Variants in CHODL observed in about 807,000 individuals in gnomAD.
The protein encoded by CHODL is chondrolectin.
CHODL carries 29 observed loss-of-function variants against 34.5 expected under a neutral mutation model. The ratio of observed to expected loss-of-function variants is 0.84; its 90% CI spans 0.63 to 1.15. The LOEUF is 1.15. Among genes scored for constraint, CHODL ranks in the 50% most tolerant of loss-of-function variants. The probability of loss-of-function intolerance (pLI) is 0.00; values close to 1 mark genes in which losing one functional copy is unlikely to be tolerated. For missense variants in CHODL, 332 were observed against 332.5 expected (o/e 1.00, Z 0.01); for synonymous variants, 125 against 116.1 (o/e 1.08, Z -0.49).
intron 1 of CHODL, among the ~76,000 whole-genome samples, chr21:18,246,661 C>T (rs1449185048): frequency 6.6e-6 from 1 of 152,116 alleles, no homozygotes; most frequent in Non-Finnish European, 1.5e-5. Flanking sequence ...ATTATTCATG[C>T]AACTGAATGA....
chr21:18,158,769 C>T (rs1360182130), intron 2 of CHODL, among the ~76,000 whole-genome samples: 3 of 142,378 alleles, frequency 2.1e-5, no homozygotes, highest in Non-Finnish European at 4.5e-5. Flanking sequence ...ACCCGGGAGG[C>T]GGAAGTTGCG....
rs1165603456 is a variant in CHODL at position 18,003,547 on chromosome 21, A to G, written c.-144-24325A>G. 3.9e-5 allele frequency among the ~76,000 whole-genome samples: 6 copies of G among 152,154 alleles called. No individual in the cohort carries two copies. The East Asian group carries it at 9.6e-4, about 24-fold the overall frequency. Reference sequence around the variant, plus strand: ...ATAATGCGTGTTCATTTAACAGTATATTGAAGGGATGTTAATTATTCTATA... The same window carrying G: ...ATAATGCGTGTTCATTTAACAGTATGTTGAAGGGATGTTAATTATTCTATA... On this transcript the variant is annotated intron_variant, in intron 1 of 6. Coordinates refer to the CHODL transcript ENST00000400127.
chr21:17,940,393 A>G (rs62212964), intron 1 of CHODL, among the ~76,000 whole-genome samples: 6,533 of 152,346 alleles, frequency 0.043, 233 homozygotes, highest in Non-Finnish European at 0.064. Context: ...GTCTAGTGCT[A>G]TAAATTATAG....
rs555351042 is a variant in CHODL at position 18,057,173 on chromosome 21, G to C, written c.-45+29202G>C. ...TCCTGATTCCAGCATTCTGGGAGTGGAGTGGGGAAAGACGCTGAGATTTTC... is the reference window on the plus strand; with the variant it reads ...TCCTGATTCCAGCATTCTGGGAGTGCAGTGGGGAAAGACGCTGAGATTTTC... On this transcript the variant is annotated intron_variant, in intron 2 of 6. Coordinates refer to the CHODL transcript ENST00000400127. Among the ~76,000 whole-genome samples, 158 of 152,176 alleles carry C rather than the reference G, an allele frequency of 1.0e-3. 1 individual carries two copies. Among genetic ancestry groups the C allele is most frequent in the African/African-American group, 3.6e-3 (148 of 41,534 alleles).
At chr21:18,174,132 T>TAC in intron 2 of CHODL, among the ~76,000 whole-genome samples, 1 of 13,848 alleles carries the variant, frequency 7.2e-5, no homozygotes, top group Non-Finnish European at 6.6e-4. Flanking sequence ...TGTATATATA[T>TAC]ATATATATAT....
At chr21:18,070,658 C>T (rs991598790) in intron 2 of CHODL, among the ~76,000 whole-genome samples, 10 of 152,070 alleles carry the variant, frequency 6.6e-5, no homozygotes, top group Admixed American at 1.3e-4. Context: ...TCAGAATAAA[C>T]GCTGTTAGTG....
chr21:18,072,594 G>A (rs158024), intron 2 of CHODL, among the ~76,000 whole-genome samples: 57,407 of 151,730 alleles, frequency 0.38, 12,468 homozygotes, highest in East Asian at 0.95. Context: ...TAAACTGTAG[G>A]GTACAGTCCT....
At chr21:18,116,534 C>T (rs1401638562) in intron 2 of CHODL, among the ~76,000 whole-genome samples, 3 of 152,146 alleles carry the variant, frequency 2.0e-5, no homozygotes, top group Non-Finnish European at 4.4e-5. Context: ...GGGTCCTTTC[C>T]TTTTATTTTC....
At chr21:18,194,998 G>T (rs937852473) in intron 2 of CHODL, among the ~76,000 whole-genome samples, 1 of 151,560 alleles carries the variant, frequency 6.6e-6, no homozygotes, top group Non-Finnish European at 1.5e-5. Flanking sequence ...CAATTTTCAA[G>T]AATACAATAC....
intron 2 of CHODL, among the ~76,000 whole-genome samples, chr21:18,140,737 G>T (rs1688177): frequency 0.078 from 11,928 of 152,042 alleles, 1,487 homozygotes; most frequent in African/African-American, 0.27. Flanking sequence ...GTGGTGGTAT[G>T]GCTGGTGGGT....
intron 2 of CHODL, among the ~76,000 whole-genome samples, chr21:18,175,578 G>T (rs1354180065): frequency 1.3e-4 from 20 of 151,482 alleles, no homozygotes; most frequent in Admixed American, 1.3e-3. Context: ...GGGCGACAGT[G>T]CGAGACTGTC....
intron 2 of CHODL, among the ~76,000 whole-genome samples, chr21:18,122,850 T>TA (rs1453867109): frequency 6.6e-6 from 1 of 152,254 alleles, no homozygotes; most frequent in Non-Finnish European, 1.5e-5. Context: ...GTGATTTCAT[T>TA]AATCATTTTA....
rs1459159740 is a variant in CHODL, at chr21:17,954,879, TTTAAA to T, written c.-145+37486_-145+37490del. Among the ~76,000 whole-genome samples, 5 of 101,206 alleles carry T rather than the reference TTTAAA, an allele frequency of 4.9e-5. 2 individuals carry two copies. The highest frequency in any genetic ancestry group is 1.0e-4 in the African/African-American group (3 of 28,648). The allele number at this position is 101,206 out of a possible 152,430, so 66.4% of individuals were successfully genotyped here. ...ATATATAATTCTTATATATTTATAT[TTTAAA>T]TTAAATCATATATTTTATATAATAT... On this transcript the variant is annotated intron_variant, in intron 1 of 6. Coordinates refer to the CHODL transcript ENST00000400127.
chr21:18,254,567 G>A lies in CHODL; in HGVS notation c.80-1942G>A, dbSNP rs372602436. Among the ~76,000 whole-genome samples the A allele has an allele frequency of 1.3e-3, 195 of 152,232 alleles. 2 individuals carry two copies. The highest frequency in any genetic ancestry group is 4.5e-3 in the African/African-American group (189 of 41,556). On this transcript the variant is annotated intron_variant, in intron 1 of 5. Transcript: ENST00000299295. ...AACAAGACAGAATGACCATTCTGGA[G>A]ATTGTTTATAATCTTGCCATACATT... is the stretch of plus-strand genomic sequence containing the variant.
chr21:18,251,772 ATATT>A (rs1290915602), intron 1 of CHODL, among the ~76,000 whole-genome samples: 29 of 142,376 alleles, frequency 2.0e-4, no homozygotes, highest in Admixed American at 2.0e-3. Context: ...TATAAAATAA[ATATT>A]TATATACTTT....
intron 2 of CHODL, among the ~76,000 whole-genome samples, chr21:18,051,838 G>A (rs899806384): frequency 6.6e-6 from 1 of 151,744 alleles, no homozygotes; most frequent in Non-Finnish European, 1.5e-5. Flanking sequence ...CCAAACTATT[G>A]GAACCTGAAA....
intron 2 of CHODL, among the ~76,000 whole-genome samples, chr21:18,211,164 A>ACACACT (rs1555882934): frequency 6.6e-6 from 1 of 151,334 alleles, no homozygotes; most frequent in African/African-American, 2.4e-5. Flanking sequence ...ACACACACAC[A>ACACACT]CACACTCACA....
chr21:17,948,476 A>G (rs1379635986), intron 1 of CHODL, among the ~76,000 whole-genome samples: 1 of 152,054 alleles, frequency 6.6e-6, no homozygotes, highest in East Asian at 1.9e-4. Flanking sequence ...GACACTAAAA[A>G]TCAACAAAAT....
chr21:17,967,505 A>G (rs1379835938), intron 1 of CHODL, among the ~76,000 whole-genome samples: 1 of 152,106 alleles, frequency 6.6e-6, no homozygotes, highest in Non-Finnish European at 1.5e-5. Flanking sequence ...TTCTTATGCA[A>G]ATTGGGACTC....
Sources: gnomAD v4.1 joint callset for allele counts (sites outside exome capture counted in the v4.1 genomes callset) on GRCh38, gnomAD v4.1.1 for gene constraint, MANE v1.5 for transcripts, NCBI Gene and HGNC (gene_info 2026-07-23, HGNC 2026-07-21) for gene names.